The following CROCC variants were observed in gnomAD, a reference collection of about 807,000 sequenced individuals.
The protein encoded by CROCC is ciliary rootlet coiled-coil, rootletin.
Under a neutral mutation model 245.2 loss-of-function variants are expected in CROCC, and 180 were observed. That is an observed-to-expected ratio of 0.73 (90% confidence interval 0.65 to 0.83). The LOEUF is 0.83. CROCC is among the 40% of genes least tolerant of loss of function. The pLI, the probability that CROCC is intolerant of heterozygous loss-of-function variation, is 0.00. For missense variants in CROCC, 2,688 were observed against 2,779.4 expected, an observed-to-expected ratio of 0.97 and a Z score of 0.74; for synonymous variants, 1,205 against 1,241.6, an observed-to-expected ratio of 0.97 and a Z score of 0.62.
At chr1:16,948,630 C>G in intron 18 of CROCC, 106 bp downstream of exon 18, 1 of 1,485,488 alleles carries the variant, frequency 6.7e-7, no homozygotes, top group Non-Finnish European at 8.9e-7. Flanking sequence ...ACTAAGGAGT[C>G]TGGCTTGCCG....
chr1:16,921,496 G>A (rs1277417283), upstream of CROCC, among the ~76,000 whole-genome samples: 1 of 152,290 alleles, frequency 6.6e-6, no homozygotes, highest in Admixed American at 6.5e-5. Context: ...ACCTGTTGTG[G>A]GAAAACATAC....
Position 16,944,081 on chromosome 1 carries a change from C to T in CROCC, c.1809-19C>T, listed in dbSNP as rs1407415490. 3.3e-6 allele frequency: 5 copies of T among 1,527,578 alleles called. No homozygotes were observed. The highest frequency in any genetic ancestry group is 4.4e-6 in the Non-Finnish European group (5 of 1,132,662). 94.6% of individuals were successfully genotyped at this position (1,527,578 alleles called of 1,614,324 possible). On this transcript the variant is annotated intron_variant, in intron 13 of 36. Coordinates refer to ENST00000375541, the MANE Select transcript of CROCC (RefSeq NM_014675.5). ...GCAGCCCCAGCATCCCCTCTGCTCCCCCTCCCCTTGTCCTGAAGGGAGAAG... is the reference window on the plus strand; with the variant it reads ...GCAGCCCCAGCATCCCCTCTGCTCCTCCTCCCCTTGTCCTGAAGGGAGAAG...
chr1:16,915,466 T>G (rs1354588918), intron 1 of CROCC, among the ~76,000 whole-genome samples: 1 of 151,940 alleles, frequency 6.6e-6, no homozygotes, highest in Non-Finnish European at 1.5e-5. Flanking sequence ...CTGGGCAACA[T>G]CTCATCTCTA....
At chr1:16,946,088 T>C (rs2076038773) in intron 15 of CROCC, among the ~76,000 whole-genome samples, 171 bp from the exon 16 acceptor site, 1 of 152,274 alleles carries the variant, frequency 6.6e-6, no homozygotes, top group Admixed American at 6.5e-5. Context: ...AAATGGCTCA[T>C]AAGCAGCAGG....
intron 19 of CROCC, among the ~76,000 whole-genome samples, chr1:16,950,750 G>A (rs1282574789): frequency 2.0e-5 from 3 of 152,262 alleles, no homozygotes; most frequent in Non-Finnish European, 4.4e-5. Context: ...AGGCAGGAAA[G>A]GGGTCAGGGC....
intron 26 of CROCC, among the ~76,000 whole-genome samples, chr1:16,959,094 C>A (rs1002031828): frequency 1.1e-4 from 16 of 152,226 alleles, no homozygotes; most frequent in Admixed American, 1.3e-4. Flanking sequence ...ACCATCTCGG[C>A]TCACTGCAAC....
rs185035343 is a variant in CROCC, at chr1:16,931,273, G to A, written c.850-18G>A. The stretch of plus-strand genomic sequence containing the variant: ...CCGCTCTCACACCAACCCTTCCCTC[G>A]GCATGTCTTCCCTCCAGTCCTTCAA... On this transcript the variant is annotated intron_variant, in intron 7 of 36. Coordinates refer to ENST00000375541, the MANE Select transcript of CROCC (RefSeq NM_014675.5). The A allele has an allele frequency of 1.1e-5, 17 of 1,600,564 alleles. No homozygotes were observed. Among genetic ancestry groups the A allele is most frequent in the Admixed American group, 8.4e-5 (5 of 59,728 alleles).
intron 36 of CROCC, 64 bp from the exon 37 acceptor site, chr1:16,972,296 T>G: frequency 3.0e-6 from 4 of 1,326,132 alleles, no homozygotes; most frequent in Non-Finnish European, 4.4e-6. Context: ...GGTTCCCTGC[T>G]GCCTCCCTTT....
At chr1:16,916,736 C>T (rs537160797) in intron 1 of CROCC, among the ~76,000 whole-genome samples, 16 of 152,414 alleles carry the variant, frequency 1.0e-4, no homozygotes, top group Admixed American at 4.6e-4. Flanking sequence ...TGGTCTCAAA[C>T]GCCTGGGCTC....
At position 16,948,554 on chromosome 1, in the gene CROCC, C is replaced by T. The variant is rs1435010798; in HGVS notation, c.2708+30C>T. The T allele has an allele frequency of 3.3e-6, 5 of 1,500,804 alleles. No individual in the cohort carries two copies. In the East Asian group the frequency reaches 9.8e-5, roughly 30 times the overall value. 93.0% of individuals were successfully genotyped at this position (1,500,804 alleles called of 1,614,324 possible). On this transcript the variant is annotated intron_variant, in intron 18 of 36. Coordinates refer to ENST00000375541, the MANE Select transcript of CROCC (RefSeq NM_014675.5). ...GGCCTTGGGCTCTGCCCAACCCGCC[C>T]TGGGGGGTCCTCCTGGGGCCACACC...
intron 27 of CROCC, among the ~76,000 whole-genome samples, chr1:16,962,734 A>G (rs948476313): frequency 6.8e-6 from 1 of 147,050 alleles, no homozygotes; most frequent in Admixed American, 6.7e-5. Context: ...ATATATATGT[A>G]TATTTTTTTT....
rs570286625 is a variant in CROCC at position 16,948,585 on chromosome 1, C to T, written c.2708+61C>T. 41 of 1,474,016 alleles carry T rather than the reference C, an allele frequency of 2.8e-5. 1 individual carries two copies. The South Asian group carries it at 5.8e-4, about 21-fold the overall frequency. The allele number at this position is 1,474,016 out of a possible 1,614,324, so 91.3% of individuals were successfully genotyped here. Reference sequence around the variant, plus strand: ...GGTCCTCCTGGGGCCACACCATGACCAGCCACACGCAGGCACGGGCCCCCA... The same window carrying T: ...GGTCCTCCTGGGGCCACACCATGACTAGCCACACGCAGGCACGGGCCCCCA... On this transcript the variant is annotated intron_variant, in intron 18 of 36. Coordinates refer to ENST00000375541, the MANE Select transcript of CROCC (RefSeq NM_014675.5).
At chr1:16,934,765 G>A (rs1403921908) in intron 8 of CROCC, among the ~76,000 whole-genome samples, 2 of 152,088 alleles carry the variant, frequency 1.3e-5, no homozygotes, top group African/African-American at 4.8e-5. Context: ...CCTCCTTGGA[G>A]GCAAGCAGCA....
chr1:16,948,277 A>T (rs2076092640), intron 17 of CROCC, 54 bp from the exon 18 acceptor site: 1 of 1,487,570 alleles, frequency 6.7e-7, no homozygotes, highest in Admixed American at 2.3e-5. Context: ...GTGCTGCACG[A>T]TGAACAAGCT....
At chr1:16,956,970 A>G (rs190956055) in intron 25 of CROCC, among the ~76,000 whole-genome samples, 2 of 152,188 alleles carry the variant, frequency 1.3e-5, no homozygotes, top group African/African-American at 2.4e-5. Flanking sequence ...GCGCTGCCTC[A>G]CCCAGAGATA....
At chr1:16,927,002 G>GAGA (rs2075548639) in intron 3 of CROCC, among the ~76,000 whole-genome samples, 3 of 152,376 alleles carry the variant, frequency 2.0e-5, no homozygotes, top group South Asian at 4.1e-4. Flanking sequence ...GAAGGGGGAG[G>GAGA]AGAACCCAGC....
Position 16,972,437 on chromosome 1 carries a change from A to C in CROCC, c.6045A>C (p.Pro2015=). The C allele has an allele frequency of 6.2e-7, 1 of 1,610,428 alleles. No homozygotes were observed. The highest frequency in any genetic ancestry group is 1.1e-5 in the South Asian group (1 of 90,704). The change falls in exon 37 of 37, where the codon CCA becomes CCC. Residue 2015 remains proline (P), a synonymous_variant. Coordinates refer to ENST00000375541, the MANE Select transcript of CROCC (RefSeq NM_014675.5). ...CCTTCTCCCCACCCTCCGGCCCCCC[A>C]GAGAAATGAGCTCCTGCTGGCATCT... ...SAPFSPPSGP[P]EK is the part of the protein sequence containing the mutation.
rs958815402 is a variant in CROCC, at chr1:16,954,509, G to A, written c.3321+152G>A. Reference sequence around the variant, plus strand: ...GCCCTTCTTTTGGGAGCCCCCATCTGAGGGAGGTGGCTCAGCCCTGCCCTG... The same window carrying A: ...GCCCTTCTTTTGGGAGCCCCCATCTAAGGGAGGTGGCTCAGCCCTGCCCTG... On this transcript the variant is annotated intron_variant, in intron 22 of 36. Transcript: ENST00000375541. This position sits in a 1 kb window ranked among gnomAD's most constrained non-coding sequence, Gnocchi z 4.4. 19 of 1,222,016 alleles carry A rather than the reference G, an allele frequency of 1.6e-5. No individual in the cohort carries two copies. Among genetic ancestry groups the A allele is most frequent in the East Asian group, 5.1e-5 (2 of 38,974 alleles). The allele number at this position is 1,222,016 out of a possible 1,614,324, so 75.7% of individuals were successfully genotyped here. A position where few individuals can be genotyped will look rare whatever the true frequency, so the allele number is the denominator to read the frequency against.
At chr1:16,928,200 T>A (rs910952186) in intron 3 of CROCC, among the ~76,000 whole-genome samples, 2 of 152,266 alleles carry the variant, frequency 1.3e-5, no homozygotes, top group African/African-American at 4.8e-5. Flanking sequence ...AGATGGTGAG[T>A]GCAGGGCTAG....
Sources: allele counts gnomAD v4.1 joint callset (sites outside exome capture counted in the v4.1 genomes callset), GRCh38; gene constraint gnomAD v4.1.1; non-coding constraint Gnocchi (gnomAD v3.1); transcripts MANE v1.5; gene names NCBI Gene and HGNC (gene_info 2026-07-23, HGNC 2026-07-21).